Variants in SLC36A1 observed in about 807,000 individuals in gnomAD.
The protein encoded by SLC36A1 is solute carrier family 36 member 1.
A neutral mutation model predicts 47.5 loss-of-function variants in SLC36A1; 30 were observed. The ratio of observed to expected loss-of-function variants is 0.63; its 90% CI spans 0.47 to 0.86. The LOEUF is 0.86. SLC36A1 is among the 40% of genes least tolerant of loss of function. SLC36A1 has a pLI of 0.00. For missense variants in SLC36A1, 517 were observed against 606.0 expected, an observed-to-expected ratio of 0.85 and a Z score of 1.54; for synonymous variants, 255 against 249.7, an observed-to-expected ratio of 1.02 and a Z score of -0.20.
At chr5:151,445,608 G>A (rs1326714618), upstream of SLC36A1, among the ~76,000 whole-genome samples, 1 of 152,158 alleles carries the variant, frequency 6.6e-6, no homozygotes, top group Non-Finnish European at 1.5e-5. Context: ...GTCTTGTTGG[G>A]AAGTTTAAAC....
upstream of SLC36A1, among the ~76,000 whole-genome samples, chr5:151,436,315 CT>C (rs1759775934): frequency 1.3e-5 from 2 of 152,116 alleles, no homozygotes; most frequent in Admixed American, 1.3e-4. Flanking sequence ...TGCTCTTGAA[CT>C]TTATATTAAT....
chr5:151,359,583 A>G, the SLC36A1 span, among the ~76,000 whole-genome samples: 2 of 152,192 alleles, frequency 1.3e-5, no homozygotes, highest in Admixed American at 6.5e-5. Flanking sequence ...TGCAATCACC[A>G]CCACGAGCCA....
intron 1 of SLC36A1, among the ~76,000 whole-genome samples, chr5:151,449,984 G>A (rs75911688): frequency 4.6e-5 from 7 of 151,334 alleles, no homozygotes; most frequent in Non-Finnish European, 7.4e-5. Context: ...TAGCATGTGG[G>A]ATGGATGGAG....
the SLC36A1 span, among the ~76,000 whole-genome samples, chr5:151,415,531 C>G: frequency 6.6e-6 from 1 of 152,192 alleles, no homozygotes; most frequent in Non-Finnish European, 1.5e-5. Context: ...TTAAACTTCA[C>G]CTCCTCAGAG....
At chr5:151,438,608 G>A (rs1435530541) in intron 1 of SLC36A1, among the ~76,000 whole-genome samples, 1 of 152,172 alleles carries the variant, frequency 6.6e-6, no homozygotes, top group Non-Finnish European at 1.5e-5. Context: ...GAGTGTACTT[G>A]GGTCTCATAC....
At chr5:151,380,683 C>T in the SLC36A1 span, 210 of 551,500 alleles carry the variant, frequency 3.8e-4, no homozygotes, top group Non-Finnish European at 7.4e-4. Flanking sequence ...GTTGGTTGAG[C>T]AACTGAAAAC....
the SLC36A1 span, among the ~76,000 whole-genome samples, chr5:151,393,068 T>A: frequency 2.0e-5 from 3 of 151,832 alleles, no homozygotes; most frequent in South Asian, 6.3e-4. Context: ...AGGACTTGCT[T>A]TATGAATCTG....
chr5:151,394,557 T>C, the SLC36A1 span, among the ~76,000 whole-genome samples: 1 of 152,230 alleles, frequency 6.6e-6, no homozygotes, highest in Non-Finnish European at 1.5e-5. Context: ...TCTTTGATGA[T>C]GGTGATGTAC....
the SLC36A1 span, among the ~76,000 whole-genome samples, chr5:151,379,115 C>A: frequency 1.3e-5 from 2 of 152,140 alleles, no homozygotes; most frequent in African/African-American, 4.8e-5. Flanking sequence ...AAGCCCAGGC[C>A]CCCAGCCTGG....
the SLC36A1 span, among the ~76,000 whole-genome samples, chr5:151,376,852 C>T: frequency 5.4e-4 from 82 of 152,212 alleles, no homozygotes; most frequent in African/African-American, 1.9e-3. Flanking sequence ...AGGCTGGTCT[C>T]GAACTCCTGA....
chr5:151,530,176 C>A, the SLC36A1 span, among the ~76,000 whole-genome samples: 1 of 151,486 alleles, frequency 6.6e-6, no homozygotes, highest in South Asian at 2.1e-4. Flanking sequence ...CCTTATATAC[C>A]CAAATTATAA....
the SLC36A1 span, chr5:151,382,029 G>T: frequency 1.5e-6 from 1 of 649,882 alleles, no homozygotes; most frequent in Non-Finnish European, 2.8e-6. Context: ...CAGCCCGGGA[G>T]CTCTCCCAGT....
At chr5:151,503,311 T>A in the SLC36A1 span, among the ~76,000 whole-genome samples, 2 of 148,078 alleles carry the variant, frequency 1.4e-5, no homozygotes, top group Non-Finnish European at 2.9e-5. Flanking sequence ...TGAGGGAGGC[T>A]ATGTATGGGA....
intron 8 of SLC36A1, 79 bp from the exon 9 acceptor site, chr5:151,476,511 T>C (rs1758066639): frequency 8.3e-7 from 1 of 1,199,328 alleles, no homozygotes; most frequent in Admixed American, 2.4e-5. Flanking sequence ...GTTACTTTTT[T>C]TCTGAGGTTT....
chr5:151,447,272 T>G (rs778113413), upstream of SLC36A1, among the ~76,000 whole-genome samples: 8 of 152,220 alleles, frequency 5.3e-5, no homozygotes, highest in Non-Finnish European at 8.8e-5. Context: ...TTTAAAAATA[T>G]GCATATTTCT....
the SLC36A1 span, among the ~76,000 whole-genome samples, chr5:151,509,260 G>C: frequency 0.8 from 121,848 of 152,220 alleles, 49,431 homozygotes; most frequent in East Asian, 0.96. Context: ...TGTACAGATT[G>C]CTAAGCCCCA....
chr5:151,503,379 T>TA, the SLC36A1 span, among the ~76,000 whole-genome samples: 9 of 148,174 alleles, frequency 6.1e-5, no homozygotes, highest in Non-Finnish European at 1.2e-4. Flanking sequence ...AAAACTGCTC[T>TA]AAAAAAATTC....
chr5:151,435,792 T>C (rs897193857), upstream of SLC36A1, among the ~76,000 whole-genome samples: 2 of 151,752 alleles, frequency 1.3e-5, no homozygotes, highest in Admixed American at 1.3e-4. Context: ...GTGGAAGATA[T>C]AGAATAAAAT....
At chr5:151,359,468 AG>A in the SLC36A1 span, among the ~76,000 whole-genome samples, 1 of 152,228 alleles carries the variant, frequency 6.6e-6, no homozygotes, top group Non-Finnish European at 1.5e-5. Flanking sequence ...AGAGGCTAAG[AG>A]GGGACATTCC....
Sources: gnomAD v4.1 joint callset for allele counts (sites outside exome capture counted in the v4.1 genomes callset) on GRCh38, gnomAD v4.1.1 for gene constraint, MANE v1.5 for transcripts, NCBI Gene and HGNC (gene_info 2026-07-23, HGNC 2026-07-21) for gene names.